IRF3: variants seen among roughly 807,000 people sequenced by gnomAD.
The protein encoded by IRF3 is interferon regulatory factor 3.
Under a neutral mutation model 43.2 loss-of-function variants are expected in IRF3, and 29 were observed. The observed-to-expected ratio is 0.67, with a 90% CI of 0.50 to 0.91. The LOEUF is 0.91. Among genes scored for constraint, IRF3 ranks in the 40% least tolerant of loss-of-function variants. The pLI is 0.00. For missense variants in IRF3, 505 were observed against 559.1 expected (o/e 0.90, Z 0.98); for synonymous variants, 228 against 233.9 (o/e 0.97, Z 0.23).
rs1020622789 is a variant in IRF3 at position 49,665,655 on chromosome 19, G to C, written c.-33C>G. On this transcript the variant is annotated 5_prime_UTR_variant, in exon 1 of 8. Coordinates refer to ENST00000377139, the MANE Select transcript of IRF3 (RefSeq NM_001571.6). ...CCTACGATGGAAGGTCGGGGCGTGCGGGCAGCTGGAACCCACCCCTGTCTT... is the reference window on the plus strand; with the variant it reads ...CCTACGATGGAAGGTCGGGGCGTGCCGGCAGCTGGAACCCACCCCTGTCTT... 2 of 840,398 alleles carry C rather than the reference G, an allele frequency of 2.4e-6. No individual in the cohort carries two copies. Among genetic ancestry groups the C allele is most frequent in the Admixed American group, 5.7e-5 (2 of 35,314 alleles). 52.1% of individuals were successfully genotyped at this position (840,398 alleles called of 1,614,324 possible).
chr19:49,662,732 A>G (rs1463320083), intron 4 of IRF3, 115 bp from the exon 5 acceptor site: 12 of 848,814 alleles, frequency 1.4e-5, no homozygotes, highest in Non-Finnish European at 2.0e-5. Context: ...CTCTGCCTTC[A>G]AGGGGCTTCC....
chr19:49,662,367 T>C, intron 5 of IRF3, 39 bp from the exon 6 acceptor site: 4 of 1,606,996 alleles, frequency 2.5e-6, no homozygotes, highest in Non-Finnish European at 2.6e-6. Context: ...GGAGAGGGGT[T>C]GAGAATCAGG....
intron 2 of IRF3, 68 bp downstream of exon 2, chr19:49,664,606 C>A (rs1180363493): frequency 6.2e-7 from 1 of 1,609,754 alleles, no homozygotes; most frequent in Non-Finnish European, 8.5e-7. Flanking sequence ...CTCAGCCGGG[C>A]CCACTAGGAG....
Position 49,659,674 on chromosome 19 carries a change from C to T in IRF3, c.1258G>A (p.Asp420Asn). 6.2e-7 allele frequency: 1 copy of T among 1,613,810 alleles called. No individual in the cohort carries two copies. Among genetic ancestry groups the T allele is most frequent in the Non-Finnish European group, 8.5e-7 (1 of 1,179,814 alleles). Residue 420 changes from aspartate to asparagine, a missense_variant, in exon 8 of 8, where the codon GAT becomes AAT. Coordinates refer to ENST00000377139, the MANE Select transcript of IRF3 (RefSeq NM_001571.6). ...CAGCTCTCCCCAGGGCCCTGGAAATCCATGCCCTCCACCAAGTCCTGCAGG... is the reference window on the plus strand; with the variant it reads ...CAGCTCTCCCCAGGGCCCTGGAAATTCATGCCCTCCACCAAGTCCTGCAGG... ...AYLQDLVEGM[D>N]FQGPGES is the part of the protein sequence containing the mutation.
intron 6 of IRF3, 106 bp downstream of exon 6, chr19:49,661,842 G>A (rs1819618057): frequency 1.5e-6 from 2 of 1,373,486 alleles, no homozygotes. Context: ...GCCTCCCAAA[G>A]TGCTGGGACT....
chr19:49,659,984 T>TACACAC (rs5828408), intron 7 of IRF3, 151 bp from the exon 8 acceptor site: 8,327 of 322,694 alleles, frequency 0.026, 114 homozygotes, highest in East Asian at 0.032. Context: ...GTTGTAGTTT[T>TACACAC]ACACACACAC....
chr19:49,662,697 G>T, intron 4 of IRF3, 80 bp from the exon 5 acceptor site: 1 of 1,182,380 alleles, frequency 8.5e-7, no homozygotes, highest in Non-Finnish European at 1.2e-6. Flanking sequence ...TCTGTTCTCA[G>T]CAACGCAGGG....
In IRF3 at chr19:49,665,637, T is replaced by G; in HGVS notation, c.-15A>C. On this transcript the variant is annotated 5_prime_UTR_variant, in exon 1 of 8. Transcript: ENST00000377139. ...CCGGGCTCTTCCGCGTTACCTACGA[T>G]GGAAGGTCGGGGCGTGCGGGCAGCT... 2.8e-6 allele frequency: 2 copies of G among 708,434 alleles called. No individual in the cohort carries two copies. The highest frequency in any genetic ancestry group is 3.0e-5 in the Admixed American group (1 of 33,890). 43.9% of individuals were successfully genotyped at this position (708,434 alleles called of 1,614,324 possible).
At chr19:49,664,582 G>T (rs772196779) in intron 2 of IRF3, 92 bp downstream of exon 2, 1 of 1,567,630 alleles carries the variant, frequency 6.4e-7, no homozygotes, top group Non-Finnish European at 8.7e-7. Context: ...CCCCTCGCGC[G>T]CCACCTCCGC....
Position 49,662,296 on chromosome 19 carries a change from C to A in IRF3, c.634G>T (p.Gly212Cys). 6.2e-7 allele frequency: 1 copy of A among 1,613,728 alleles called. No individual in the cohort carries two copies. The highest frequency in any genetic ancestry group is 8.5e-7 in the Non-Finnish European group (1 of 1,180,034). Residue 212 changes from glycine to cysteine, a missense_variant, in exon 6 of 8, where the codon GGC becomes TGC. By Grantham distance (159) the Gly-to-Cys change is radical. Transcript: ENST00000377139. Reference protein sequence around the residue: ...WEFEVTAFYRGRQVFQQTISC... With the variant: ...WEFEVTAFYRCRQVFQQTISC... ...ATGGTCTGCTGGAAGACTTGGCGGC[C>A]CCGGTAGAAGGCTGTCACCTCGAAC...
intron 4 of IRF3, 32 bp downstream of exon 4, chr19:49,663,156 C>A: frequency 6.3e-7 from 1 of 1,584,142 alleles, no homozygotes; most frequent in Non-Finnish European, 8.7e-7. Flanking sequence ...AGGTCGGAGA[C>A]TGAGGGGCAT....
intron 7 of IRF3, among the ~76,000 whole-genome samples, chr19:49,660,439 G>A (rs536743922): frequency 1.8e-4 from 27 of 152,212 alleles, no homozygotes; most frequent in African/African-American, 6.0e-4. Context: ...GTTTCATCCC[G>A]AAACCACACC....
At position 49,662,163 on chromosome 19, in the gene IRF3, C is replaced by T; in HGVS notation, c.767G>A (p.Gly256Glu). The part of the protein sequence containing the change: ...PDPGMSLTDR[G>E]VMSYVRHVLS... ...CACATGCCTCACGTAGCTCATCACT[C>T]CCCTGTCTGTCAGGGACATGCCAGG... The change falls in exon 6 of 8, where the codon GGA becomes GAA. Residue 256 changes from glycine to glutamate, a missense_variant. By Grantham distance (98) the Gly-to-Glu change is moderately conservative (BLOSUM62 -2). Transcript: ENST00000377139. The T allele has an allele frequency of 6.2e-7, 1 of 1,614,162 alleles. No homozygotes were observed. Among genetic ancestry groups the T allele is most frequent in the South Asian group, 1.1e-5 (1 of 91,090 alleles).
Position 49,660,004 on chromosome 19 carries a change from C to T in IRF3, c.1099-171G>A, listed in dbSNP as rs1268724324. On this transcript the variant is annotated intron_variant, in intron 7 of 7. Transcript: ENST00000377139. ...AGTTTTACACACACACACACACACA[C>T]ACACACACACACACACACACACACC... Among the ~76,000 whole-genome samples, 6 of 120,610 alleles carry T rather than the reference C, an allele frequency of 5.0e-5. 1 individual carries two copies. The highest frequency in any genetic ancestry group is 2.6e-4 in the African/African-American group (6 of 23,258). The allele number at this position is 120,610 out of a possible 152,430, so 79.1% of individuals were successfully genotyped here.
Position 49,663,488 on chromosome 19 carries a change from A to G in IRF3, c.192T>C (p.Tyr64=), listed in dbSNP as rs201186025. The change falls in exon 3 of 8, where the codon TAT becomes TAC. Residue 64 remains tyrosine, a synonymous_variant. Coordinates refer to ENST00000377139, the MANE Select transcript of IRF3 (RefSeq NM_001571.6). ...FQAWAEATGA[Y]VPGRDKPDLP... ...GGTCTGGCTTATCCCTCCCGGGAAC[A>G]TATGCACCAGTGGCCTCGGCCCAGG... 37 of 1,614,022 alleles carry G rather than the reference A, an allele frequency of 2.3e-5. No individual in the cohort carries two copies. Among genetic ancestry groups the G allele is most frequent in the Non-Finnish European group, 3.0e-5 (35 of 1,180,010 alleles).
chr19:49,663,252 C>G lies in IRF3; in HGVS notation c.344G>C (p.Gly115Ala). The change falls in exon 4 of 8, where the codon GGG becomes GCG. Residue 115 changes from glycine to alanine, a missense_variant. By Grantham distance (60) the Gly-to-Ala change is moderately conservative. Transcript: ENST00000377139. ...AGAGGTGTCTGGCTGGGAAAAGTCC[C>G]CAACTCCTGTTGAGAAAAGTGGTGA... ...KIYEFVNSGVGDFSQPDTSPD... is the reference protein window; with the variant it reads ...KIYEFVNSGVADFSQPDTSPD... 1 of 1,614,142 alleles carries G rather than the reference C, an allele frequency of 6.2e-7. No individual in the cohort carries two copies. Among genetic ancestry groups the G allele is most frequent in the Non-Finnish European group, 8.5e-7 (1 of 1,180,020 alleles).
In IRF3 at chr19:49,659,984, T is replaced by TACACACACAC. The variant is rs5828408; in HGVS notation, c.1099-161_1099-152dup. The stretch of plus-strand genomic sequence containing the variant: ...CTAGGGCTGCTGGGAGTTGTAGTTT[T>TACACACACAC]ACACACACACACACACACACACACA... On this transcript the variant is annotated intron_variant, in intron 7 of 7. Transcript: ENST00000377139. 5.0e-3 allele frequency: 1,634 copies of TACACACACAC among 323,632 alleles called. 4 individuals are homozygous for TACACACACAC. Among genetic ancestry groups the TACACACACAC allele is most frequent in the East Asian group, 9.2e-3 (172 of 18,772 alleles). The allele number at this position is 323,632 out of a possible 1,614,324, so 20.0% of individuals were successfully genotyped here. A position where few individuals can be genotyped will look rare whatever the true frequency, so the allele number is the denominator to read the frequency against.
Position 49,663,236 on chromosome 19 carries a change from T to C in IRF3, c.360A>G (p.Pro120=). The change falls in exon 4 of 8, where the codon CCA becomes CCG. Residue 120 remains proline (P), a synonymous_variant. Coordinates refer to ENST00000377139, the MANE Select transcript of IRF3 (RefSeq NM_001571.6). ...CACCATTGGTGTCCGGAGAGGTGTC[T>C]GGCTGGGAAAAGTCCCCAACTCCTG... ...VNSGVGDFSQ[P]DTSPDTNGGG... 1 of 1,614,170 alleles carries C rather than the reference T, an allele frequency of 6.2e-7. No individual in the cohort carries two copies. Among genetic ancestry groups the C allele is most frequent in the Non-Finnish European group, 8.5e-7 (1 of 1,180,020 alleles).
intron 1 of IRF3, 108 bp downstream of exon 1, chr19:49,665,523 T>G: frequency 3.3e-6 from 1 of 306,554 alleles, no homozygotes; most frequent in Non-Finnish European, 6.1e-6. Context: ...TTGCTCCACT[T>G]TCCCCAGAGT....
Sources: gnomAD v4.1 joint callset for allele counts (sites outside exome capture counted in the v4.1 genomes callset) on GRCh38, gnomAD v4.1.1 for gene constraint, MANE v1.5 for transcripts, NCBI Gene and HGNC (gene_info 2026-07-23, HGNC 2026-07-21) for gene names.